Variants in LPCAT1 observed in about 807,000 individuals in gnomAD.
LPCAT1 encodes 1-acylglycerol-3-phosphate O-acyltransferase.
Under a neutral mutation model 60.9 loss-of-function variants are expected in LPCAT1, and 23 were observed. The ratio of observed to expected loss-of-function variants is 0.38; its 90% confidence interval spans 0.27 to 0.53. LPCAT1 has a LOEUF of 0.53. Ranked by LOEUF, LPCAT1 falls within the 20% of genes least tolerant of loss-of-function variation. The pLI is 0.82. For missense variants in LPCAT1, 622 were observed against 723.6 expected (o/e 0.86, Z 1.61); for synonymous variants, 340 against 301.1 (o/e 1.13, Z -1.34).
rs1734821574 is a variant in LPCAT1, at chr5:1,474,591, A to G, written c.994T>C (p.Leu332=). 9.3e-6 allele frequency: 15 copies of G among 1,613,920 alleles called. No individual in the cohort carries two copies. Among genetic ancestry groups the G allele is most frequent in the Non-Finnish European group, 1.3e-5 (15 of 1,180,020 alleles). ...QLRLPADTCL[L]EFARLVRGLG... is the part of the protein sequence containing the mutation. ...CCCCGCACGAGCCTGGCAAATTCTA[A>G]AAGGCAAGTGTCAGCGGGGAGACGG... Residue 332 remains leucine, a synonymous_variant, in exon 10 of 14, where the codon TTA becomes CTA. Transcript: ENST00000283415.
intron 2 of LPCAT1, among the ~76,000 whole-genome samples, chr5:1,497,177 C>A (rs907122173): frequency 6.6e-6 from 1 of 152,214 alleles, no homozygotes; most frequent in South Asian, 2.1e-4. Flanking sequence ...CATCAAAGAA[C>A]AAGAAAACAC....
At chr5:1,513,448 C>T (rs1042696252) in intron 1 of LPCAT1, among the ~76,000 whole-genome samples, 3 of 152,160 alleles carry the variant, frequency 2.0e-5, no homozygotes, top group Non-Finnish European at 2.9e-5. Context: ...GGCAGGTGCT[C>T]GCAAGAAGAA....
intron 1 of LPCAT1, among the ~76,000 whole-genome samples, chr5:1,517,402 A>G (rs1299737736): frequency 6.6e-6 from 1 of 152,190 alleles, no homozygotes; most frequent in Admixed American, 6.5e-5. Flanking sequence ...ACTCCCAACC[A>G]GTCATGTCCA....
chr5:1,464,859 G>A (rs540956454), intron 13 of LPCAT1, among the ~76,000 whole-genome samples: 10 of 133,966 alleles, frequency 7.5e-5, no homozygotes, highest in African/African-American at 1.2e-4. Flanking sequence ...TGCACACACA[G>A]TAAACACATG....
chr5:1,475,723 AACTCC>A (rs950453173), intron 9 of LPCAT1, among the ~76,000 whole-genome samples: 3 of 151,958 alleles, frequency 2.0e-5, no homozygotes, highest in Admixed American at 2.0e-4. Context: ...GCTCATGATC[AACTCC>A]ACTCCCCGAG....
chr5:1,520,247 G>C (rs1186639636), intron 1 of LPCAT1, among the ~76,000 whole-genome samples: 3 of 152,258 alleles, frequency 2.0e-5, no homozygotes, highest in Admixed American at 2.0e-4. Flanking sequence ...AGAGGGCGGA[G>C]TCCTGCTCCT....
intron 1 of LPCAT1, among the ~76,000 whole-genome samples, chr5:1,507,552 T>G (rs1736224621): frequency 6.6e-6 from 1 of 152,180 alleles, no homozygotes; most frequent in African/African-American, 2.4e-5. Context: ...TTGCTCCAGG[T>G]CACAGGTGGG....
chr5:1,478,729 T>C lies in LPCAT1; in HGVS notation c.816+892A>G, dbSNP rs959008740. On this transcript the variant is annotated intron_variant, in intron 8 of 13. Transcript: ENST00000283415. ...GTATATTTCGTAGTGCTCTCCAATA[T>C]TTACTGGAAGGCAGCAAATTGTTTT... 3.3e-4 allele frequency among the ~76,000 whole-genome samples: 50 copies of C among 152,292 alleles called. 1 individual carries two copies. The highest frequency in any genetic ancestry group is 1.2e-3 in the African/African-American group (49 of 41,482).
At chr5:1,473,475 G>A (rs894626165) in intron 11 of LPCAT1, among the ~76,000 whole-genome samples, 13 of 152,272 alleles carry the variant, frequency 8.5e-5, no homozygotes. Context: ...CAATTACGAC[G>A]AGGACCTGGG....
intron 13 of LPCAT1, 61 bp downstream of exon 13, chr5:1,466,688 C>G (rs1483104787): frequency 6.5e-7 from 1 of 1,536,048 alleles, no homozygotes; most frequent in East Asian, 2.4e-5. Flanking sequence ...GAGACTCGCC[C>G]CACACTCTGT....
intron 12 of LPCAT1, among the ~76,000 whole-genome samples, chr5:1,467,992 C>T (rs529678745): frequency 1.3e-5 from 2 of 152,104 alleles, no homozygotes; most frequent in African/African-American, 2.4e-5. Context: ...CTCCACCCTC[C>T]GAGAAGTGGG....
intron 5 of LPCAT1, among the ~76,000 whole-genome samples, chr5:1,485,964 G>C (rs144907328): frequency 0.01 from 1,578 of 152,316 alleles, 29 homozygotes; most frequent in African/African-American, 0.036. Context: ...GGCCCACGCA[G>C]CATCCTAGGG....
In LPCAT1 at chr5:1,464,705, C is replaced by G. The variant is rs147288197; in HGVS notation, c.1421-870G>C. On this transcript the variant is annotated intron_variant, in intron 13 of 13. Coordinates refer to ENST00000283415, the MANE Select transcript of LPCAT1 (RefSeq NM_024830.5). Reference sequence around the variant, plus strand: ...AAACAAACACATGCGTGCACACACACAAAGAGCACACACGGTAAACACACA... The same window carrying G: ...AAACAAACACATGCGTGCACACACAGAAAGAGCACACACGGTAAACACACA... Among the ~76,000 whole-genome samples the G allele has an allele frequency of 7.1e-4, 98 of 137,330 alleles. 1 individual carries two copies. The East Asian group carries it at 0.018, about 25-fold the overall frequency. 90.1% of individuals were successfully genotyped at this position (137,330 alleles called of 152,430 possible).
Position 1,489,848 on chromosome 5 carries a change from C to G in LPCAT1, c.504G>C (p.Gln168His), listed in dbSNP as rs200423327. The G allele has an allele frequency of 8.1e-5, 131 of 1,611,074 alleles. No homozygotes were observed. The highest frequency in any genetic ancestry group is 9.0e-5 in the Non-Finnish European group (106 of 1,177,326). ...GGGACACGAACACAGGCCGTATATA[C>G]TGGATCAGAGCTGGAAGAGAGGAGG... ...RDIPIWGTLI[Q>H]YIRPVFVSRS... The change falls in exon 4 of 14, where the codon CAG (glutamine) becomes CAC (histidine). Residue 168 changes from glutamine to histidine, a missense_variant. By Grantham distance (24) the Gln-to-His change is conservative (BLOSUM62 0). Around this residue, in one of 3 missense-constraint regions of LPCAT1, gnomAD observed 209 missense variants for 325.5 expected, o/e 0.64. Transcript: ENST00000283415.
intron 5 of LPCAT1, among the ~76,000 whole-genome samples, chr5:1,486,417 T>G (rs1735372905): frequency 6.6e-6 from 1 of 152,134 alleles, no homozygotes; most frequent in African/African-American, 2.4e-5. Flanking sequence ...GGCTGGAGGC[T>G]GGGCCCAATG....
intron 10 of LPCAT1, 67 bp from the exon 11 acceptor site, chr5:1,474,177 T>G: frequency 6.8e-7 from 1 of 1,474,572 alleles, no homozygotes; most frequent in Non-Finnish European, 9.3e-7. Context: ...CCAGATTTAC[T>G]TCTAAGACTC....
chr5:1,514,819 A>C (rs1162539737), intron 1 of LPCAT1, among the ~76,000 whole-genome samples: 1 of 152,098 alleles, frequency 6.6e-6, no homozygotes, highest in Admixed American at 6.5e-5. Context: ...ACCTCCAGCC[A>C]AAACAGGACC....
At chr5:1,466,429 A>T (rs935433680) in intron 13 of LPCAT1, among the ~76,000 whole-genome samples, 1 of 152,160 alleles carries the variant, frequency 6.6e-6, no homozygotes, top group Admixed American at 6.5e-5. Flanking sequence ...AGTGGCCTCG[A>T]GGGCTGGGTG....
In LPCAT1 at chr5:1,466,898, G is replaced by A. The variant is rs369461212; in HGVS notation, c.1279-8C>T. On this transcript the variant is annotated splice_region_variant and splice_polypyrimidine_tract_variant and intron_variant, in intron 12 of 13. Transcript: ENST00000283415. ...CTCTTGCGCTCCGTACATCTGCAAG[G>A]CAAACTGGGTGTCACCTTGCAGCCT... 2.2e-5 allele frequency: 35 copies of A among 1,561,376 alleles called. No homozygotes were observed. Among genetic ancestry groups the A allele is most frequent in the Non-Finnish European group, 3.0e-5 (35 of 1,148,358 alleles).
Sources: allele counts gnomAD v4.1 joint callset (sites outside exome capture counted in the v4.1 genomes callset), GRCh38; gene constraint gnomAD v4.1.1; regional missense constraint gnomAD v4.1.1; transcripts MANE v1.5; gene names NCBI Gene and HGNC (gene_info 2026-07-23, HGNC 2026-07-21).